The following STAB2 variants were observed in gnomAD, a reference collection of about 807,000 sequenced individuals.
STAB2 encodes stabilin 2, also known as stabilin-2.
Under a neutral mutation model 338.1 loss-of-function variants are expected in STAB2, and 288 were observed. That is an observed-to-expected ratio of 0.85 (90% confidence interval 0.77 to 0.94). STAB2 has a LOEUF of 0.94. Ranked by LOEUF, STAB2 falls within the 40% of genes least tolerant of loss-of-function variation. The pLI is 0.00. For synonymous variants in STAB2, 1,202 were observed against 1,193.3 expected, an observed-to-expected ratio of 1.01 and a Z score of -0.15; for missense variants, 3,141 against 3,210.1, an observed-to-expected ratio of 0.98 and a Z score of 0.52.
At chr12:103,702,200 T>C (rs1444737675) in intron 34 of STAB2, among the ~76,000 whole-genome samples, 1 of 151,794 alleles carries the variant, frequency 6.6e-6, no homozygotes, top group African/African-American at 2.4e-5. Context: ...TTGGCGGCAT[T>C]TAGATACAGA....
chr12:103,623,954 G>A (rs868264443), intron 5 of STAB2, among the ~76,000 whole-genome samples: 2 of 152,170 alleles, frequency 1.3e-5, no homozygotes, highest in African/African-American at 4.8e-5. Context: ...TGTGGGCATG[G>A]TAGAAACAGT....
intron 40 of STAB2, 77 bp downstream of exon 40, chr12:103,711,593 C>T (rs755035826): frequency 3.3e-6 from 5 of 1,512,056 alleles, no homozygotes; most frequent in African/African-American, 1.4e-5. Context: ...AGTCTCTATC[C>T]TCAGGGGATT....
At position 103,617,126 on chromosome 12, in the gene STAB2, C is replaced by T. The variant is rs566855630; in HGVS notation, c.332-3342C>T. 3.9e-5 allele frequency among the ~76,000 whole-genome samples: 6 copies of T among 152,318 alleles called. No individual in the cohort carries two copies. The South Asian group carries it at 1.2e-3, about 32-fold the overall frequency. On this transcript the variant is annotated intron_variant, in intron 3 of 68. Transcript: ENST00000388887. The stretch of plus-strand genomic sequence containing the variant: ...ATTTTTGGTAAATATTGGTAAGTAA[C>T]ATCAAGTAGATGAAGTGATGAGAGC...
chr12:103,669,688 A>C, intron 21 of STAB2, 61 bp downstream of exon 21: 1 of 1,482,714 alleles, frequency 6.7e-7, no homozygotes, highest in Non-Finnish European at 9.4e-7. Context: ...AGAACTTCTA[A>C]ACCAAAATGT....
intron 9 of STAB2, among the ~76,000 whole-genome samples, chr12:103,640,764 A>G (rs117887963): frequency 0.017 from 2,583 of 152,338 alleles, 34 homozygotes; most frequent in South Asian, 0.034. Flanking sequence ...AGCTCACATG[A>G]TAGAAAGAAG....
At chr12:103,610,180 A>G (rs1957099597) in intron 3 of STAB2, among the ~76,000 whole-genome samples, 1 of 151,904 alleles carries the variant, frequency 6.6e-6, no homozygotes, top group Admixed American at 6.6e-5. Context: ...AGGCTTTGGT[A>G]TCAGGATGAT....
At position 103,713,759 on chromosome 12, in the gene STAB2, G is replaced by T; in HGVS notation, c.4528G>T (p.Val1510Leu). 2 of 1,613,840 alleles carry T rather than the reference G, an allele frequency of 1.2e-6. No homozygotes were observed. The highest frequency in any genetic ancestry group is 1.7e-6 in the Non-Finnish European group (2 of 1,179,804). ...AGCAGGCTACACGGGTGATGGCATT[G>T]TGTGCCTGGGTAGGTGTCCTTCCCT... ...CKAGYTGDGI[V>L]CLEINPCLEN... The change falls in exon 42 of 69, where the codon GTG becomes TTG. Residue 1510 changes from valine to leucine, a missense_variant. By Grantham distance (32) the Val-to-Leu change is conservative (BLOSUM62 1). Coordinates refer to ENST00000388887, the MANE Select transcript of STAB2 (RefSeq NM_017564.10).
At chr12:103,673,338 C>A (rs1876002724) in intron 22 of STAB2, among the ~76,000 whole-genome samples, 1 of 146,214 alleles carries the variant, frequency 6.8e-6, no homozygotes, top group Admixed American at 6.8e-5. Context: ...GTTCTTTTTT[C>A]TTTTTTTTTT....
chr12:103,730,298 A>G (rs777337982), intron 49 of STAB2, 42 bp downstream of exon 49: 2 of 1,599,216 alleles, frequency 1.3e-6, no homozygotes, highest in Non-Finnish European at 8.6e-7. Flanking sequence ...GGAGTGACTC[A>G]ATACATTATC....
chr12:103,757,639 G>A (rs1201321961), intron 63 of STAB2, among the ~76,000 whole-genome samples: 1 of 152,216 alleles, frequency 6.6e-6, no homozygotes, highest in Non-Finnish European at 1.5e-5. Flanking sequence ...AGTGAGCCAT[G>A]CAGACTTAGG....
At chr12:103,760,258 G>A (rs1884439824) in intron 65 of STAB2, among the ~76,000 whole-genome samples, 1 of 152,050 alleles carries the variant, frequency 6.6e-6, no homozygotes, top group African/African-American at 2.4e-5. Context: ...GGTGTGTGGG[G>A]GGTGGTTTTT....
At chr12:103,712,030 C>T (rs1879909345) in intron 40 of STAB2, among the ~76,000 whole-genome samples, 1 of 152,200 alleles carries the variant, frequency 6.6e-6, no homozygotes, top group Non-Finnish European at 1.5e-5. Flanking sequence ...TCCGACTTGC[C>T]AGGGCTATTG....
intron 46 of STAB2, among the ~76,000 whole-genome samples, chr12:103,726,563 GA>G (rs1881222734): frequency 6.6e-6 from 1 of 152,178 alleles, no homozygotes; most frequent in African/African-American, 2.4e-5. Context: ...GGTGAGGGTA[GA>G]AGAAAGTCTG....
At chr12:103,678,335 A>C (rs192685942) in intron 25 of STAB2, among the ~76,000 whole-genome samples, 1 of 152,286 alleles carries the variant, frequency 6.6e-6, no homozygotes, top group East Asian at 1.9e-4. Context: ...CTGTTTGAGG[A>C]AAGCCTAACC....
intron 43 of STAB2, 59 bp from the exon 44 acceptor site, chr12:103,717,711 A>G (rs1300944662): frequency 1.3e-6 from 2 of 1,496,334 alleles, no homozygotes; most frequent in African/African-American, 2.8e-5. Context: ...GAGCCAGACC[A>G]TGCGGCCAGT....
At chr12:103,638,348 T>C in intron 8 of STAB2, 136 bp downstream of exon 8, 1 of 946,980 alleles carries the variant, frequency 1.1e-6, no homozygotes, top group Non-Finnish European at 1.5e-6. Flanking sequence ...CAGACAGTCC[T>C]CCATGTGCTC....
chr12:103,708,979 C>T (rs189635254), intron 39 of STAB2, among the ~76,000 whole-genome samples: 2 of 152,296 alleles, frequency 1.3e-5, no homozygotes. Flanking sequence ...AACACTGCTA[C>T]AATAACCATA....
chr12:103,624,496 T>A (rs1372232412), intron 5 of STAB2, among the ~76,000 whole-genome samples: 1 of 152,196 alleles, frequency 6.6e-6, no homozygotes, highest in African/African-American at 2.4e-5. Flanking sequence ...AAGATAGAAA[T>A]AATATTGCCT....
intron 2 of STAB2, 104 bp downstream of exon 2, chr12:103,591,134 A>G: frequency 6.7e-7 from 1 of 1,487,722 alleles, no homozygotes. Context: ...GCTCTAAGAC[A>G]ATAAGCCCAA....
Sources: gnomAD v4.1 joint callset for allele counts (sites outside exome capture counted in the v4.1 genomes callset) on GRCh38, gnomAD v4.1.1 for gene constraint, MANE v1.5 for transcripts, NCBI Gene and HGNC (gene_info 2026-07-23, HGNC 2026-07-21) for gene names.